The following CCL26 variants were observed in gnomAD, a reference collection of about 807,000 sequenced individuals.
CCL26 encodes C-C motif chemokine 26.
A neutral mutation model predicts 10.7 loss-of-function variants in CCL26; 10 were observed. The observed-to-expected ratio is 0.93, with a 90% CI of 0.57 to 1.58. The LOEUF is 1.58. Ranked by LOEUF, CCL26 falls within the 40% of genes most tolerant of loss-of-function variation. The pLI is 0.00. For missense variants in CCL26, 116 were observed against 111.0 expected, an observed-to-expected ratio of 1.05 and a Z score of -0.20; for synonymous variants, 43 against 41.4, an observed-to-expected ratio of 1.04 and a Z score of -0.15.
intron 1 of CCL26, among the ~76,000 whole-genome samples, chr7:75,781,777 T>C (rs1554529491): frequency 6.6e-6 from 1 of 151,858 alleles, no homozygotes; most frequent in African/African-American, 2.4e-5. Context: ...TTGACTGTAA[T>C]TTTCCTTTAC....
At chr7:75,788,736 A>G (rs1384769782) in intron 1 of CCL26, among the ~76,000 whole-genome samples, 2 of 151,726 alleles carry the variant, frequency 1.3e-5, no homozygotes, top group Non-Finnish European at 2.9e-5. Flanking sequence ...AAAAAAAAAA[A>G]AGAAGAAAAA....
chr7:75,771,757 A>C, intron 2 of CCL26, 132 bp downstream of exon 2: 1 of 661,414 alleles, frequency 1.5e-6, no homozygotes, highest in Non-Finnish European at 2.7e-6. Context: ...TGAAGCTCAG[A>C]GTCACACTTG....
At chr7:75,777,823 CTT>C (rs112719253) in intron 1 of CCL26, among the ~76,000 whole-genome samples, 16 of 136,994 alleles carry the variant, frequency 1.2e-4, no homozygotes, top group African/African-American at 8.0e-5. Context: ...CAAAACTAAT[CTT>C]TTTTTTTTTT....
At chr7:75,778,628 C>CT (rs1186207338) in intron 1 of CCL26, among the ~76,000 whole-genome samples, 25,385 of 129,482 alleles carry the variant, frequency 0.2, 2,952 homozygotes, top group South Asian at 0.28. Flanking sequence ...GTTCTTTGCA[C>CT]TTTTTTTTTT....
intron 1 of CCL26, among the ~76,000 whole-genome samples, chr7:75,788,451 C>T (rs1803250896): frequency 6.6e-6 from 1 of 151,662 alleles, no homozygotes. Context: ...CCACCCCTAT[C>T]TCCCTTGGCT....
chr7:75,771,819 G>A, intron 2 of CCL26, 70 bp downstream of exon 2: 1 of 943,532 alleles, frequency 1.1e-6, no homozygotes. Flanking sequence ...CTCATCCTGG[G>A]GGTCTGCCCA....
At chr7:75,777,906 G>C (rs1802978194) in intron 1 of CCL26, among the ~76,000 whole-genome samples, 1 of 149,132 alleles carries the variant, frequency 6.7e-6, no homozygotes, top group Non-Finnish European at 1.5e-5. Flanking sequence ...TGCAGCCTCT[G>C]CATGTTGCCA....
intron 1 of CCL26, among the ~76,000 whole-genome samples, chr7:75,789,310 G>A (rs116704583): frequency 5.4e-4 from 82 of 151,948 alleles, no homozygotes; most frequent in African/African-American, 1.8e-3. Context: ...ATGATATGGC[G>A]AATAAACAAA....
rs1057009268 is a variant in CCL26 at position 75,770,234 on chromosome 7, G to A, written c.189-445C>T. Among the ~76,000 whole-genome samples the A allele has an allele frequency of 6.0e-5, 9 of 150,342 alleles. No homozygotes were observed. The South Asian group carries it at 1.5e-3, about 25-fold the overall frequency. ...ATAGGCACGCATCAGCACACCCAGC[G>A]AATTTCTGTGTTTTTAATAGAGACA... On this transcript the variant is annotated intron_variant, in intron 2 of 2. Coordinates refer to ENST00000005180, the MANE Select transcript of CCL26 (RefSeq NM_001371938.1).
At chr7:75,785,286 G>A (rs868920646) in intron 1 of CCL26, among the ~76,000 whole-genome samples, 28 of 152,050 alleles carry the variant, frequency 1.8e-4, no homozygotes, top group African/African-American at 6.5e-4. Context: ...CTGTGCTACC[G>A]CAAGGCTTCA....
At position 75,771,872 on chromosome 7, in the gene CCL26, G is replaced by A. The variant is rs1554528117; in HGVS notation, c.188+17C>T. 4 of 1,568,968 alleles carry A rather than the reference G, an allele frequency of 2.5e-6. No individual in the cohort carries two copies. The highest frequency in any genetic ancestry group is 2.2e-5 in the East Asian group (1 of 44,668). On this transcript the variant is annotated intron_variant, in intron 2 of 2. Transcript: ENST00000005180. ...TGACTGATGGGGCCCCAGAAAGTACGTCCGAGAAATACTCACATCACAGCC... is the reference window on the plus strand; with the variant it reads ...TGACTGATGGGGCCCCAGAAAGTACATCCGAGAAATACTCACATCACAGCC...
At chr7:75,781,249 A>C (rs1488324617) in intron 1 of CCL26, among the ~76,000 whole-genome samples, 3 of 152,238 alleles carry the variant, frequency 2.0e-5, no homozygotes, top group African/African-American at 7.2e-5. Flanking sequence ...CTTGCCTTCA[A>C]GGTATACAAT....
At chr7:75,769,955 T>C (rs1301833448) in intron 2 of CCL26, among the ~76,000 whole-genome samples, 166 bp from the exon 3 acceptor site, 2 of 152,122 alleles carry the variant, frequency 1.3e-5, no homozygotes, top group Non-Finnish European at 2.9e-5. Context: ...TCCCTCCTCT[T>C]TCCTATCTTG....
chr7:75,786,546 C>T (rs1173212743), intron 1 of CCL26, among the ~76,000 whole-genome samples: 1 of 152,078 alleles, frequency 6.6e-6, no homozygotes, highest in East Asian at 1.9e-4. Flanking sequence ...ATCATTAATG[C>T]CTCTTTAATA....
chr7:75,788,467 T>A (rs1554530296), intron 1 of CCL26, among the ~76,000 whole-genome samples: 1 of 152,066 alleles, frequency 6.6e-6, no homozygotes, highest in Admixed American at 6.6e-5. Context: ...TGGCTGACTC[T>A]CTTTTTGGAC....
At chr7:75,788,369 C>A (rs372050023) in intron 1 of CCL26, among the ~76,000 whole-genome samples, 1 of 151,704 alleles carries the variant, frequency 6.6e-6, no homozygotes, top group Non-Finnish European at 1.5e-5. Context: ...GTGTCCCTCA[C>A]CCCTGCCCGC....
intron 1 of CCL26, among the ~76,000 whole-genome samples, chr7:75,783,104 T>A (rs545456996): frequency 6.6e-6 from 1 of 152,198 alleles, no homozygotes; most frequent in Admixed American, 6.6e-5. Flanking sequence ...TGGTTGGAGC[T>A]GAAGACATAG....
intron 1 of CCL26, among the ~76,000 whole-genome samples, chr7:75,783,786 C>CAAAAAAAAA (rs1318162003): frequency 1.1e-5 from 1 of 87,778 alleles, no homozygotes; most frequent in Non-Finnish European, 2.4e-5. Flanking sequence ...GACTCCAGCT[C>CAAAAAAAAA]AAAAAAAAAA....
At chr7:75,779,652 A>G (rs1440862807) in intron 1 of CCL26, among the ~76,000 whole-genome samples, 8 of 152,210 alleles carry the variant, frequency 5.3e-5, no homozygotes, top group African/African-American at 1.7e-4. Flanking sequence ...TCGGGAAGAC[A>G]GTCTTCCCTT....
Sources: allele counts gnomAD v4.1 joint callset (sites outside exome capture counted in the v4.1 genomes callset), GRCh38; gene constraint gnomAD v4.1.1; transcripts MANE v1.5; gene names NCBI Gene and HGNC (gene_info 2026-07-23, HGNC 2026-07-21).